The following CEP128 variants were observed in gnomAD, a reference collection of about 807,000 sequenced individuals.
CEP128 encodes the protein centrosomal protein 128kDa.
Under a neutral mutation model 156.7 loss-of-function variants are expected in CEP128, and 132 were observed. The observed-to-expected ratio is 0.84, with a 90% CI of 0.73 to 0.97. CEP128 has a LOEUF of 0.97. CEP128 is among the 50% of genes least tolerant of loss of function. The probability of loss-of-function intolerance (pLI) is 0.00; values close to 1 mark genes in which losing one functional copy is unlikely to be tolerated. For missense variants in CEP128, 1,252 were observed against 1,281.9 expected (o/e 0.98, Z 0.36); for synonymous variants, 469 against 448.9 (o/e 1.04, Z -0.57).
intron 19 of CEP128, among the ~76,000 whole-genome samples, chr14:80,647,519 A>T (rs1276159691): frequency 6.6e-6 from 1 of 151,948 alleles, no homozygotes; most frequent in Non-Finnish European, 1.5e-5. Context: ...CTCTATATTG[A>T]CTTTTTTTCC....
intron 19 of CEP128, among the ~76,000 whole-genome samples, chr14:80,673,673 G>T (rs979245173): frequency 6.9e-4 from 45 of 65,106 alleles, no homozygotes; most frequent in South Asian, 2.2e-3. Flanking sequence ...AAAAAAAAAT[G>T]TACTAAAGCA....
intron 9 of CEP128, among the ~76,000 whole-genome samples, chr14:80,841,073 C>A (rs1886327984): frequency 6.6e-6 from 1 of 152,004 alleles, no homozygotes; most frequent in Non-Finnish European, 1.5e-5. Context: ...ACAGATTCCC[C>A]TCTTTAATAA....
At position 80,874,913 on chromosome 14, in the gene CEP128, T is replaced by C. The variant is rs528729705; in HGVS notation, c.646-12040A>G. On this transcript the variant is annotated intron_variant, in intron 8 of 24. Coordinates refer to ENST00000555265, the MANE Select transcript of CEP128 (RefSeq NM_152446.5). The stretch of plus-strand genomic sequence containing the variant: ...GATTACAGGCGTGAGCCACCGCGCC[T>C]GGCCAAATATAACTGTTTTTTAAAA... 1.1e-4 allele frequency among the ~76,000 whole-genome samples: 17 copies of C among 152,302 alleles called. No individual in the cohort carries two copies. The South Asian group carries it at 3.5e-3, about 32-fold the overall frequency.
chr14:80,814,242 G>A (rs960073696), intron 13 of CEP128, among the ~76,000 whole-genome samples: 18 of 151,776 alleles, frequency 1.2e-4, no homozygotes, highest in Non-Finnish European at 1.9e-4. Flanking sequence ...TTCTGCCCTC[G>A]TCTCTCTCTC....
chr14:80,782,961 C>A (rs1901205609), intron 15 of CEP128, among the ~76,000 whole-genome samples: 1 of 152,034 alleles, frequency 6.6e-6, no homozygotes, highest in Admixed American at 6.6e-5. Context: ...TTGAGAGTCT[C>A]ATCCTCTTTT....
At chr14:80,844,918 T>TCCA (rs1292450223) in intron 9 of CEP128, among the ~76,000 whole-genome samples, 2 of 152,132 alleles carry the variant, frequency 1.3e-5, no homozygotes, top group African/African-American at 4.8e-5. Flanking sequence ...ACCTACGGAA[T>TCCA]CCACCACTGT....
rs538615404 is a variant in CEP128, at chr14:80,673,363, G to T, written c.2806+69712C>A. The stretch of plus-strand genomic sequence containing the variant: ...GCATTTTTAAAATGCACTAAAGCAG[G>T]CCGGGCGCGGTGGCTCACGCCTGTA... On this transcript the variant is annotated intron_variant, in intron 19 of 24. Transcript: ENST00000555265. 3.3e-5 allele frequency among the ~76,000 whole-genome samples: 5 copies of T among 152,194 alleles called. No individual in the cohort carries two copies. In the East Asian group the frequency reaches 9.6e-4, roughly 29 times the overall value.
intron 11 of CEP128, among the ~76,000 whole-genome samples, chr14:80,836,561 A>AT (rs111834655): frequency 6.6e-5 from 10 of 150,470 alleles, no homozygotes; most frequent in Non-Finnish European, 8.9e-5. Context: ...ATGTGACTAG[A>AT]TTTTTTTTTT....
At chr14:80,665,742 T>C (rs1434986933) in intron 19 of CEP128, among the ~76,000 whole-genome samples, 3 of 152,072 alleles carry the variant, frequency 2.0e-5, no homozygotes, top group Non-Finnish European at 4.4e-5. Context: ...AAAATTGTTT[T>C]AATTAAGTGG....
intron 19 of CEP128, among the ~76,000 whole-genome samples, chr14:80,640,797 T>G (rs1894373163): frequency 6.6e-6 from 1 of 152,210 alleles, no homozygotes; most frequent in African/African-American, 2.4e-5. Context: ...ACGATCAAAA[T>G]TCCAATAGTT....
At chr14:80,524,335 A>G (rs1888882405) in intron 23 of CEP128, among the ~76,000 whole-genome samples, 2 of 152,196 alleles carry the variant, frequency 1.3e-5, no homozygotes, top group South Asian at 4.1e-4. Flanking sequence ...AAAGGTGGGT[A>G]AAGTTAATAG....
Position 80,722,006 on chromosome 14 carries a change from A to C in CEP128, c.2806+21069T>G, listed in dbSNP as rs141578195. On this transcript the variant is annotated intron_variant, in intron 19 of 24. Transcript: ENST00000555265. ...AGGCTACTGCTGTCATGTGGTTTATAGTTTTACGGAAGGATATAAACAATA... is the reference window on the plus strand; with the variant it reads ...AGGCTACTGCTGTCATGTGGTTTATCGTTTTACGGAAGGATATAAACAATA... 4.6e-3 allele frequency among the ~76,000 whole-genome samples: 703 copies of C among 152,338 alleles called. 9 individuals carry two copies. Among genetic ancestry groups the C allele is most frequent in the African/African-American group, 0.015 (640 of 41,578 alleles).
chr14:80,802,975 G>A (rs1883965522), intron 13 of CEP128, among the ~76,000 whole-genome samples: 1 of 152,174 alleles, frequency 6.6e-6, no homozygotes. Context: ...AGAACAAACT[G>A]TGGCATTTGA....
At chr14:80,834,780 T>A (rs1885987399) in intron 12 of CEP128, among the ~76,000 whole-genome samples, 1 of 152,222 alleles carries the variant, frequency 6.6e-6, no homozygotes, top group South Asian at 2.1e-4. Context: ...CAGCTTAGGA[T>A]TGTTTAAAAA....
At chr14:80,580,908 G>C (rs1159521171) in intron 19 of CEP128, among the ~76,000 whole-genome samples, 1 of 152,052 alleles carries the variant, frequency 6.6e-6, no homozygotes, top group African/African-American at 2.4e-5. Flanking sequence ...TGGAATAATA[G>C]GTGTTATTAA....
At chr14:80,760,311 C>T (rs528564671) in intron 17 of CEP128, among the ~76,000 whole-genome samples, 1 of 151,830 alleles carries the variant, frequency 6.6e-6, no homozygotes, top group Non-Finnish European at 1.5e-5. Context: ...GTAAAAATTC[C>T]ATCAACTCTA....
intron 17 of CEP128, among the ~76,000 whole-genome samples, chr14:80,758,246 G>T (rs1383649287): frequency 6.6e-6 from 1 of 152,192 alleles, no homozygotes; most frequent in Non-Finnish European, 1.5e-5. Flanking sequence ...AACCTGCCAG[G>T]CATGGTGGCT....
chr14:80,479,578 C>A (rs1401910459), intron 14 of CEP128, among the ~76,000 whole-genome samples: 5 of 152,198 alleles, frequency 3.3e-5, no homozygotes, highest in Non-Finnish European at 1.5e-5. Context: ...TTACCTTCCA[C>A]TGGGTCCCTC....
chr14:80,507,179 G>A (rs370932149), intron 23 of CEP128, among the ~76,000 whole-genome samples: 7 of 151,906 alleles, frequency 4.6e-5, no homozygotes, highest in Admixed American at 1.3e-4. Context: ...CAATTTCTTC[G>A]TAAATTACCC....
Sources: allele counts gnomAD v4.1 joint callset (sites outside exome capture counted in the v4.1 genomes callset), GRCh38; gene constraint gnomAD v4.1.1; transcripts MANE v1.5; gene names NCBI Gene and HGNC (gene_info 2026-07-23, HGNC 2026-07-21).